The following LINC00632 variants were observed in gnomAD, a reference collection of about 807,000 sequenced individuals.
The protein encoded by LINC00632 is ALDOA related specific transcript.
At chrX:140,774,525 AT>A (rs1487987644) in exon 5 of LINC00632, among the ~76,000 whole-genome samples, 1 of 111,216 alleles carries the variant, frequency 9.0e-6, no homozygotes, top group African/African-American at 3.3e-5. Context: ...GGCTCTGATG[AT>A]ATGGTGATTT....
At chrX:140,740,292 T>C (rs752180035) in intron 3 of LINC00632, among the ~76,000 whole-genome samples, 36 of 112,047 alleles carry the variant, frequency 3.2e-4, no homozygotes, top group Non-Finnish European at 6.2e-4. Context: ...AGTTTAGTCT[T>C]AACATAATCA....
Position 140,781,934 on chromosome X carries a change from T to C in LINC00632, n.9953T>C, listed in dbSNP as rs750724979. On this transcript the variant is annotated non_coding_transcript_exon_variant, in exon 5 of 5. Transcript: ENST00000648200. ...TTTACAGAAAATGTTTGTTGATCCCTGATCTAAAGCCAAGCAGTTCTCTCG... is the reference window on the plus strand; with the variant it reads ...TTTACAGAAAATGTTTGTTGATCCCCGATCTAAAGCCAAGCAGTTCTCTCG... 2.7e-5 allele frequency among the ~76,000 whole-genome samples: 3 copies of C among 112,127 alleles called. No individual in the cohort carries two copies. In the South Asian group the frequency reaches 1.1e-3, roughly 42 times the overall value.
chrX:140,766,163 G>A lies in LINC00632; in HGVS notation n.192-5915G>A, dbSNP rs767417078. 3.6e-5 allele frequency among the ~76,000 whole-genome samples: 4 copies of A among 111,699 alleles called. No homozygotes were observed. The East Asian group carries it at 1.1e-3, about 32-fold the overall frequency. On this transcript the variant is annotated intron_variant and non_coding_transcript_variant, in intron 3 of 4. Coordinates refer to ENST00000648200, the Ensembl canonical transcript of LINC00632. ...ACGGGGGTCACGGCAGATCCCCTTA[G>A]CTGTTGGATTTCTTATAGGCCTGGT...
At chrX:140,779,043 A>G (rs1207719177) in exon 5 of LINC00632, among the ~76,000 whole-genome samples, 1 of 112,024 alleles carries the variant, frequency 8.9e-6, no homozygotes, top group Non-Finnish European at 1.9e-5. Context: ...AATAGAAGTT[A>G]ATGACAACAC....
exon 5 of LINC00632, among the ~76,000 whole-genome samples, chrX:140,791,141 G>GC (rs200479813): frequency 0.11 from 12,655 of 110,455 alleles, 706 homozygotes; most frequent in Non-Finnish European, 0.17. Flanking sequence ...TCTGATAAAT[G>GC]CCCCTTTTCA....
At chrX:140,721,799 G>GA (rs953252712) in intron 2 of LINC00632, among the ~76,000 whole-genome samples, 3 of 110,941 alleles carry the variant, frequency 2.7e-5, no homozygotes, top group Non-Finnish European at 3.8e-5. Flanking sequence ...ATAACATACA[G>GA]AAAAAAACAC....
At chrX:140,766,148 C>G (rs1332820130) in intron 3 of LINC00632, among the ~76,000 whole-genome samples, 1 of 111,498 alleles carries the variant, frequency 9.0e-6, no homozygotes, top group Non-Finnish European at 1.9e-5. Context: ...ACGGGGGTCA[C>G]GGCAGATCCC....
At chrX:140,739,890 T>C (rs1368325507) in intron 3 of LINC00632, among the ~76,000 whole-genome samples, 1 of 111,923 alleles carries the variant, frequency 8.9e-6, no homozygotes, top group East Asian at 2.8e-4. Flanking sequence ...AAAAGGATCA[T>C]GGAGGGCAGA....
chrX:140,765,396 A>T (rs1931672119), intron 3 of LINC00632, among the ~76,000 whole-genome samples: 1 of 111,949 alleles, frequency 8.9e-6, no homozygotes, highest in Non-Finnish European at 1.9e-5. Context: ...GAACCGCCCG[A>T]TCCCCACAGA....
At chrX:140,767,139 T>A (rs1202007291) in intron 3 of LINC00632, among the ~76,000 whole-genome samples, 1 of 111,629 alleles carries the variant, frequency 9.0e-6, no homozygotes, top group Non-Finnish European at 1.9e-5. Flanking sequence ...TTGTAATGGA[T>A]GAGTGTGTCA....
chrX:140,725,192 TAC>T lies in LINC00632; in HGVS notation n.105-8678_105-8677del, dbSNP rs777333729. 5.6e-4 allele frequency among the ~76,000 whole-genome samples: 30 copies of T among 53,520 alleles called. No homozygotes were observed. The East Asian group carries it at 0.018, about 33-fold the overall frequency. 46.5% of individuals were successfully genotyped at this position (53,520 alleles called of 115,157 possible). A position where few individuals can be genotyped will look rare whatever the true frequency, so the allele number is the denominator to read the frequency against. The stretch of plus-strand genomic sequence containing the variant: ...TACACATACACAGACACACATTCCA[TAC>T]ACACACAAACACATTCCGTACACAT... On this transcript the variant is annotated intron_variant and non_coding_transcript_variant, in intron 2 of 4. Coordinates refer to ENST00000648200, the Ensembl canonical transcript of LINC00632.
intron 3 of LINC00632, among the ~76,000 whole-genome samples, chrX:140,752,058 C>T (rs764147527): frequency 1.8e-5 from 2 of 111,268 alleles, no homozygotes; most frequent in Non-Finnish European, 3.8e-5. Context: ...TGGCTTCTTC[C>T]AGTTCTTTAG....
At chrX:140,780,867 C>T (rs1931924021) in exon 5 of LINC00632, among the ~76,000 whole-genome samples, 1 of 110,772 alleles carries the variant, frequency 9.0e-6, no homozygotes, top group Non-Finnish European at 1.9e-5. Flanking sequence ...CCCCCACTAC[C>T]ACTTACCTGC....
chrX:140,744,024 G>C (rs979958069), intron 3 of LINC00632, among the ~76,000 whole-genome samples: 5 of 111,734 alleles, frequency 4.5e-5, no homozygotes, highest in Admixed American at 1.9e-4. Flanking sequence ...ATTTCTGTTG[G>C]GAAATGAGGA....
At chrX:140,740,738 T>C (rs1321755209) in intron 3 of LINC00632, among the ~76,000 whole-genome samples, 2 of 111,507 alleles carry the variant, frequency 1.8e-5, no homozygotes, top group African/African-American at 6.5e-5. Context: ...TGCTCTGCTG[T>C]CACTGTCTTG....
At chrX:140,753,932 C>T (rs1315274821) in intron 3 of LINC00632, among the ~76,000 whole-genome samples, 2 of 109,741 alleles carry the variant, frequency 1.8e-5, no homozygotes, top group Non-Finnish European at 3.8e-5. Context: ...CACGCCACCA[C>T]GCCCGGCTAA....
chrX:140,748,210 A>G (rs1055194024), intron 3 of LINC00632, among the ~76,000 whole-genome samples: 6 of 112,290 alleles, frequency 5.3e-5, no homozygotes, highest in Admixed American at 2.8e-4. Context: ...GATCCTTTAC[A>G]GATAAACAAA....
exon 5 of LINC00632, among the ~76,000 whole-genome samples, chrX:140,775,373 A>G (rs1351849601): frequency 8.9e-6 from 1 of 111,919 alleles, no homozygotes; most frequent in East Asian, 2.8e-4. Context: ...TTAACAGAGG[A>G]AAAAAAACCA....
rs1370988752 is a variant in LINC00632, at chrX:140,783,492, C to T, written n.11511C>T. ...TCAAGGTCTTCCATCAAATACAGAT[C>T]TTCCAGCTAATCCATGTCTTCCAGA... On this transcript the variant is annotated non_coding_transcript_exon_variant, in exon 5 of 5. Coordinates refer to ENST00000648200, the Ensembl canonical transcript of LINC00632. 3.2e-6 allele frequency: 3 copies of T among 939,476 alleles called. No individual in the cohort carries two copies. In the African/African-American group the frequency reaches 5.9e-5, roughly 18 times the overall value. 77.4% of individuals were successfully genotyped at this position (939,476 alleles called of 1,213,427 possible). A position where few individuals can be genotyped will look rare whatever the true frequency, so the allele number is the denominator to read the frequency against.
Sources: allele counts gnomAD v4.1 joint callset (sites outside exome capture counted in the v4.1 genomes callset), GRCh38; gene constraint gnomAD v4.1.1; transcripts MANE v1.5; gene names NCBI Gene and HGNC (gene_info 2026-07-23, HGNC 2026-07-21).